GMDS: variants seen among roughly 807,000 people sequenced by gnomAD.
GMDS encodes GDP-mannose 4,6-dehydratase.
GMDS carries 20 observed loss-of-function variants against 49.9 expected under a neutral mutation model. The ratio of observed to expected loss-of-function variants is 0.40; its 90% CI spans 0.28 to 0.58. The LOEUF is 0.58. Among genes scored for constraint, GMDS ranks in the 20% least tolerant of loss-of-function variants. The pLI, the probability that GMDS is intolerant of heterozygous loss-of-function variation, is 0.42. For synonymous variants in GMDS, 177 were observed against 178.6 expected (o/e 0.99, Z 0.07); for missense variants, 362 against 481.4 (o/e 0.75, Z 2.32).
At chr6:1,771,409 C>T (rs775884913) in intron 7 of GMDS, among the ~76,000 whole-genome samples, 26 of 152,188 alleles carry the variant, frequency 1.7e-4, no homozygotes, top group Admixed American at 9.2e-4. Flanking sequence ...AAGTCACCTC[C>T]GCTGTAAAAT....
rs199587986 is a variant in GMDS, at chr6:1,715,356, A to G, written c.987+11060T>C. Reference sequence around the variant, plus strand: ...CACTGGTTTGAATAATTTTGGTTCTATCAGAGCTGGCTGTAAAGCATAAGA... The same window carrying G: ...CACTGGTTTGAATAATTTTGGTTCTGTCAGAGCTGGCTGTAAAGCATAAGA... On this transcript the variant is annotated intron_variant, in intron 9 of 10. Transcript: ENST00000380815. Among the ~76,000 whole-genome samples, 20 of 152,366 alleles carry G rather than the reference A, an allele frequency of 1.3e-4. No homozygotes were observed. In the East Asian group the frequency reaches 3.7e-3, roughly 28 times the overall value.
intron 9 of GMDS, among the ~76,000 whole-genome samples, chr6:1,653,965 C>T (rs1763794855): frequency 6.6e-6 from 1 of 151,996 alleles, no homozygotes; most frequent in Admixed American, 6.6e-5. Context: ...TACAACTTAA[C>T]AACAACAACA....
chr6:2,059,436 C>T (rs1168111203), intron 4 of GMDS, among the ~76,000 whole-genome samples: 4 of 151,420 alleles, frequency 2.6e-5, no homozygotes, highest in East Asian at 3.9e-4. Context: ...TGGCCGGGCG[C>T]GGTGGCTCAC....
intron 9 of GMDS, among the ~76,000 whole-genome samples, chr6:1,639,879 A>G (rs1810495): frequency 0.09 from 13,689 of 152,206 alleles, 1,233 homozygotes; most frequent in East Asian, 0.24. Context: ...CCTTGTCTCA[A>G]AACAAAACAA....
intron 1 of GMDS, among the ~76,000 whole-genome samples, chr6:2,145,566 T>C (rs202024063): frequency 7.5e-6 from 1 of 133,914 alleles, no homozygotes; most frequent in East Asian, 2.3e-4. Flanking sequence ...AATAAATAAA[T>C]AAAATAAAGA....
At chr6:1,824,919 G>T (rs935032093) in intron 7 of GMDS, among the ~76,000 whole-genome samples, 2 of 152,136 alleles carry the variant, frequency 1.3e-5, no homozygotes, top group Admixed American at 6.5e-5. Flanking sequence ...GATTTTAGAA[G>T]TCAGGGGCAT....
chr6:1,789,532 CTTTTTTTTT>C lies in GMDS; in HGVS notation c.772-46955_772-46947del, dbSNP rs59996305. On this transcript the variant is annotated intron_variant, in intron 7 of 10. Coordinates refer to ENST00000380815, the MANE Select transcript of GMDS (RefSeq NM_001500.4). Reference sequence around the variant, plus strand: ...AAATTATTTTTTCTTTTTCTTTTTTCTTTTTTTTTTTTTTTTTTTTCCTGACAGGCTCTT... The same window carrying C: ...AAATTATTTTTTCTTTTTCTTTTTTCTTTTTTTTTTTCCTGACAGGCTCTT... 1.1e-3 allele frequency among the ~76,000 whole-genome samples: 157 copies of C among 141,334 alleles called. No individual in the cohort carries two copies. In the East Asian group the frequency reaches 0.018, roughly 16 times the overall value. The allele number at this position is 141,334 out of a possible 152,430, so 92.7% of individuals were successfully genotyped here. A position where few individuals can be genotyped will look rare whatever the true frequency, so the allele number is the denominator to read the frequency against.
chr6:1,698,247 C>T (rs1765411172), intron 9 of GMDS, among the ~76,000 whole-genome samples: 1 of 152,178 alleles, frequency 6.6e-6, no homozygotes, highest in South Asian at 2.1e-4. Flanking sequence ...TACACATATA[C>T]ATACACTGCA....
intron 9 of GMDS, among the ~76,000 whole-genome samples, chr6:1,693,096 G>C (rs1427579751): frequency 4.6e-5 from 7 of 152,214 alleles, no homozygotes; most frequent in Admixed American, 3.9e-4. Flanking sequence ...GGAGCAGCCA[G>C]TGCCCCTTCT....
chr6:1,988,470 G>A (rs1765701244), intron 4 of GMDS, among the ~76,000 whole-genome samples: 1 of 152,242 alleles, frequency 6.6e-6, no homozygotes, highest in South Asian at 2.1e-4. Flanking sequence ...TGGCGGTGGG[G>A]GCGAGGGGGG....
At chr6:1,835,203 G>C (rs1236899002) in intron 7 of GMDS, among the ~76,000 whole-genome samples, 1 of 152,170 alleles carries the variant, frequency 6.6e-6, no homozygotes, top group Non-Finnish European at 1.5e-5. Context: ...ACATGACATT[G>C]AAACTGGCTG....
chr6:2,209,606 T>G (rs199566623), intron 1 of GMDS, among the ~76,000 whole-genome samples: 1 of 120,928 alleles, frequency 8.3e-6, no homozygotes. Context: ...CACACACACG[T>G]TCTCTCTCTC....
intron 9 of GMDS, among the ~76,000 whole-genome samples, chr6:1,713,333 G>A (rs928228235): frequency 3.9e-5 from 6 of 152,292 alleles, no homozygotes; most frequent in African/African-American, 1.4e-4. Flanking sequence ...GGGAAGAGTT[G>A]GTGGTTGCTC....
chr6:1,875,257 C>G (rs1338253402), intron 7 of GMDS, among the ~76,000 whole-genome samples: 1 of 151,830 alleles, frequency 6.6e-6, no homozygotes, highest in East Asian at 1.9e-4. Context: ...GAGATATTCA[C>G]ATATTTGAAT....
intron 4 of GMDS, among the ~76,000 whole-genome samples, chr6:2,073,085 AG>A (rs35427316): frequency 6.6e-6 from 1 of 152,250 alleles, no homozygotes; most frequent in Non-Finnish European, 1.5e-5. Flanking sequence ...GTCAGTGCAC[AG>A]GGAAAATTAA....
chr6:2,123,633 T>C (rs1461137667), intron 2 of GMDS, among the ~76,000 whole-genome samples: 1 of 152,238 alleles, frequency 6.6e-6, no homozygotes, highest in Non-Finnish European at 1.5e-5. Context: ...TAACCTACTC[T>C]AAAACTCTCT....
At chr6:2,232,196 T>C (rs929997260) in intron 1 of GMDS, among the ~76,000 whole-genome samples, 3 of 152,024 alleles carry the variant, frequency 2.0e-5, no homozygotes, top group Admixed American at 6.5e-5. Context: ...CAGCAATTTG[T>C]TACTCCTAAG....
chr6:1,846,330 T>G (rs1039059846), intron 7 of GMDS, among the ~76,000 whole-genome samples: 12 of 152,112 alleles, frequency 7.9e-5, no homozygotes, highest in Admixed American at 6.6e-4. Context: ...TGGGCTCAAG[T>G]GATCCACTTG....
intron 7 of GMDS, among the ~76,000 whole-genome samples, chr6:1,784,790 C>T (rs1053722150): frequency 1.3e-5 from 2 of 152,206 alleles, no homozygotes; most frequent in African/African-American, 4.8e-5. Context: ...CAGCAAGCTT[C>T]CTTCCTTTGC....
Sources: allele counts gnomAD v4.1 joint callset (sites outside exome capture counted in the v4.1 genomes callset), GRCh38; gene constraint gnomAD v4.1.1; transcripts MANE v1.5; gene names NCBI Gene and HGNC (gene_info 2026-07-23, HGNC 2026-07-21).